PRKD2: variants seen among roughly 807,000 people sequenced by gnomAD.
The protein encoded by PRKD2 is protein kinase D2, also known as serine/threonine-protein kinase D2.
PRKD2 carries 22 observed loss-of-function variants against 86.0 expected under a neutral mutation model. That is an observed-to-expected ratio of 0.26 (90% CI 0.18 to 0.37). The LOEUF is 0.37. Among genes scored for constraint, PRKD2 ranks in the 10% least tolerant of loss-of-function variants. The pLI is 1.00. For missense variants in PRKD2, 818 were observed against 1,199.2 expected (o/e 0.68, Z 4.70); for synonymous variants, 509 against 510.9 (o/e 1.00, Z 0.05).
At chr19:46,710,727 A>G in intron 3 of PRKD2, 180 bp downstream of exon 3, 1 of 684,828 alleles carries the variant, frequency 1.5e-6, no homozygotes. Flanking sequence ...CAGCCCCACC[A>G]CTCCTTCCCC....
intron 15 of PRKD2, among the ~76,000 whole-genome samples, chr19:46,679,910 ACAC>A (rs1354029198): frequency 1.2e-3 from 179 of 151,558 alleles, no homozygotes; most frequent in African/African-American, 4.2e-3. Flanking sequence ...CAGGCATGAG[ACAC>A]CACACCTGGC....
At chr19:46,713,823 CA>C in intron 2 of PRKD2, 39 bp downstream of exon 2, 17 of 1,390,656 alleles carry the variant, frequency 1.2e-5, no homozygotes, top group Non-Finnish European at 1.6e-5. Context: ...GCCCCGCCCC[CA>C]CCCGAGGCCC....
intron 7 of PRKD2, among the ~76,000 whole-genome samples, chr19:46,698,460 G>A (rs188664082): frequency 6.6e-6 from 1 of 152,292 alleles, no homozygotes; most frequent in East Asian, 1.9e-4. Context: ...CACCCAAAGG[G>A]GATGCTATGA....
At chr19:46,707,991 G>A (rs1034297499) in intron 3 of PRKD2, among the ~76,000 whole-genome samples, 1 of 151,992 alleles carries the variant, frequency 6.6e-6, no homozygotes, top group Non-Finnish European at 1.5e-5. Context: ...CCAGCTACTC[G>A]GTAGGCTGAG....
At chr19:46,683,611 G>A (rs1454176068) in intron 14 of PRKD2, among the ~76,000 whole-genome samples, 3 of 152,084 alleles carry the variant, frequency 2.0e-5, no homozygotes, top group African/African-American at 7.2e-5. Flanking sequence ...CCAGCTACTC[G>A]GGAGGCTGAG....
chr19:46,689,801 C>T (rs750406302), intron 13 of PRKD2, 103 bp from the exon 14 acceptor site: 28 of 1,378,238 alleles, frequency 2.0e-5, no homozygotes, highest in Middle Eastern at 2.2e-4. Context: ...AGAAGGATGT[C>T]CCTGGGGTAT....
At chr19:46,714,457 T>C (rs913918894) in intron 1 of PRKD2, 10 of 92,224 alleles carry the variant, frequency 1.1e-4, no homozygotes, top group African/African-American at 4.1e-4. Flanking sequence ...AAGGAGGACT[T>C]TTCGGGGCTC....
At chr19:46,703,579 A>G (rs1287202876) in intron 5 of PRKD2, among the ~76,000 whole-genome samples, 7 of 151,898 alleles carry the variant, frequency 4.6e-5, no homozygotes, top group Admixed American at 3.9e-4. Context: ...AGACCATCCT[A>G]GCTAACATGG....
chr19:46,698,741 A>G (rs2053595509), intron 7 of PRKD2, among the ~76,000 whole-genome samples: 1 of 152,178 alleles, frequency 6.6e-6, no homozygotes, highest in Admixed American at 6.6e-5. Flanking sequence ...GGATCACTTG[A>G]GGTCAGGAGT....
intron 14 of PRKD2, among the ~76,000 whole-genome samples, chr19:46,688,585 T>C (rs1431736467): frequency 6.6e-6 from 1 of 151,654 alleles, no homozygotes; most frequent in Non-Finnish European, 1.5e-5. Flanking sequence ...TACAGGTGCC[T>C]GCCACCATGC....
intron 3 of PRKD2, among the ~76,000 whole-genome samples, chr19:46,708,978 T>G (rs1030035198): frequency 5.2e-5 from 5 of 96,972 alleles, no homozygotes; most frequent in Admixed American, 1.1e-4. Flanking sequence ...TGTGGTTTTT[T>G]TTTTTTTTTT....
intron 15 of PRKD2, among the ~76,000 whole-genome samples, chr19:46,681,347 T>A (rs1260982004): frequency 6.6e-6 from 1 of 150,936 alleles, no homozygotes; most frequent in Non-Finnish European, 1.5e-5. Flanking sequence ...CACCAACTCC[T>A]GGGCTCAAGC....
chr19:46,692,913 C>A (rs1333074462), intron 10 of PRKD2, among the ~76,000 whole-genome samples: 1 of 152,182 alleles, frequency 6.6e-6, no homozygotes, highest in Non-Finnish European at 1.5e-5. Context: ...GGATTACTCT[C>A]GCAAATGCTC....
Position 46,674,378 on chromosome 19 carries a change from G to A in PRKD2, c.*145C>T. ...TTTTAATTGCTGGGGAAACAGGGAGGGGCCTTGGAAATAGCTCCCCCCACC... is the reference window on the plus strand; with the variant it reads ...TTTTAATTGCTGGGGAAACAGGGAGAGGCCTTGGAAATAGCTCCCCCCACC... On this transcript the variant is annotated 3_prime_UTR_variant, in exon 18 of 18. Coordinates refer to ENST00000291281, the MANE Select transcript of PRKD2 (RefSeq NM_016457.5). The A allele has an allele frequency of 1.2e-6, 1 of 814,124 alleles. No homozygotes were observed. The highest frequency in any genetic ancestry group is 2.7e-5 in the East Asian group (1 of 36,818). 50.4% of individuals were successfully genotyped at this position (814,124 alleles called of 1,614,324 possible). A position where few individuals can be genotyped will look rare whatever the true frequency, so the allele number is the denominator to read the frequency against.
chr19:46,675,217 C>G, intron 16 of PRKD2, 99 bp from the exon 17 acceptor site: 2 of 974,758 alleles, frequency 2.1e-6, no homozygotes, highest in South Asian at 3.0e-5. Context: ...CAACACCTTC[C>G]TTCTGCACCA....
intron 14 of PRKD2, among the ~76,000 whole-genome samples, chr19:46,685,166 G>A (rs2053377771): frequency 1.3e-5 from 2 of 151,266 alleles, no homozygotes; most frequent in South Asian, 4.2e-4. Context: ...GGCTGAGGTG[G>A]GACAATTGTT....
intron 14 of PRKD2, among the ~76,000 whole-genome samples, chr19:46,684,347 A>C (rs773264224): frequency 3.9e-5 from 6 of 152,046 alleles, no homozygotes; most frequent in Admixed American, 1.3e-4. Flanking sequence ...TTTGAGATGG[A>C]GTCTCACTCT....
rs1184565071 is a variant in PRKD2 at position 46,700,810 on chromosome 19, G to A, written c.1110C>T (p.Gly370=). ...GGTTCTGTGTATACCTCTGGGCCTTGCCTCCCTCGCCTTCCTCCTCCTCAC... is the reference window on the plus strand; with the variant it reads ...GGTTCTGTGTATACCTCTGGGCCTTACCTCCCTCGCCTTCCTCCTCCTCAC... ...HASEEEEGEG[G]KAQSSLGYIP... The change falls in exon 7 of 18, where the codon GGC becomes GGT. Residue 370 remains glycine, a synonymous_variant. Coordinates refer to ENST00000291281, the MANE Select transcript of PRKD2 (RefSeq NM_016457.5). 6.2e-7 allele frequency: 1 copy of A among 1,614,106 alleles called. No individual in the cohort carries two copies. The highest frequency in any genetic ancestry group is 8.5e-7 in the Non-Finnish European group (1 of 1,179,964).
At chr19:46,682,861 C>T (rs1167315163) in intron 14 of PRKD2, among the ~76,000 whole-genome samples, 1 of 151,342 alleles carries the variant, frequency 6.6e-6, no homozygotes, top group Non-Finnish European at 1.5e-5. Context: ...CACACCATCA[C>T]ACCTGACTAA....
Sources: gnomAD v4.1 joint callset for allele counts (sites outside exome capture counted in the v4.1 genomes callset) on GRCh38, gnomAD v4.1.1 for gene constraint, MANE v1.5 for transcripts, NCBI Gene and HGNC (gene_info 2026-07-23, HGNC 2026-07-21) for gene names.